RUFY3: variants seen among roughly 807,000 people sequenced by gnomAD.
The protein encoded by RUFY3 is RUN and FYVE domain containing 3.
In RUFY3, 34 loss-of-function variants were observed where a neutral mutation model predicts 84.0. The observed-to-expected ratio is 0.40, with a 90% CI of 0.31 to 0.54. The LOEUF (loss-of-function observed/expected upper bound fraction) is 0.54. Among genes scored for constraint, RUFY3 ranks in the 20% least tolerant of loss-of-function variants. The probability of loss-of-function intolerance (pLI) is 0.39; values close to 1 mark genes in which losing one functional copy is unlikely to be tolerated. For missense variants in RUFY3, 507 were observed against 736.8 expected (o/e 0.69, Z 3.61); for synonymous variants, 242 against 252.9 (o/e 0.96, Z 0.41).
chr4:70,791,835 G>A (rs1293687390), intron 12 of RUFY3: 1 of 985,232 alleles, frequency 1.0e-6, no homozygotes, highest in Non-Finnish European at 1.2e-6. Context: ...GCCAAGGATA[G>A]TACTTAGTAT....
intron 1 of RUFY3, among the ~76,000 whole-genome samples, chr4:70,755,714 C>T (rs1167199924): frequency 4.6e-5 from 7 of 152,036 alleles, no homozygotes; most frequent in African/African-American, 7.2e-5. Flanking sequence ...CACTTTGGGA[C>T]ACTGAGGCGG....
intron 14 of RUFY3, 110 bp downstream of exon 14, chr4:70,795,004 G>A: frequency 1.4e-6 from 1 of 732,486 alleles, no homozygotes; most frequent in East Asian, 2.5e-5. Flanking sequence ...TAGTGGCTGT[G>A]TCCTCAAGTA....
Position 70,800,157 on chromosome 4 carries a change from T to C in RUFY3, c.1574T>C (p.Met525Thr), listed in dbSNP as rs1468707494. The C allele has an allele frequency of 6.2e-7, 1 of 1,607,244 alleles. No individual in the cohort carries two copies. Among genetic ancestry groups the C allele is most frequent in the African/African-American group, 1.3e-5 (1 of 74,600 alleles). Residue 525 changes from methionine (M) to threonine (T), a missense_variant, in exon 15 of 18, where the codon ATG becomes ACG. Physicochemically the swap from Met to Thr is moderately conservative, Grantham distance 81. Transcript: ENST00000381006. ...TTTTGGCAGGATGGGAAGCACAAAA[T>C]GCAAGAGGAAAATGTTAAACTAAAA... ...SESKMDGKHK[M>T]QEENVKLKKP... is the part of the protein sequence containing the mutation.
chr4:70,800,242 TA>T, intron 15 of RUFY3, 37 bp downstream of exon 15: 2 of 1,540,470 alleles, frequency 1.3e-6, no homozygotes, highest in Non-Finnish European at 1.8e-6. Context: ...GATGTAAAGT[TA>T]TTCTGGGGTG....
intron 1 of RUFY3, among the ~76,000 whole-genome samples, chr4:70,748,504 G>A (rs1474578811): frequency 6.6e-6 from 1 of 152,184 alleles, no homozygotes; most frequent in Non-Finnish European, 1.5e-5. Flanking sequence ...AAGGACAGTG[G>A]TTATTCCTGG....
At chr4:70,798,977 C>G (rs1731876032) in intron 14 of RUFY3, among the ~76,000 whole-genome samples, 1 of 150,804 alleles carries the variant, frequency 6.6e-6, no homozygotes, top group Admixed American at 6.6e-5. Flanking sequence ...TGGTGAAACC[C>G]TGTCTCTACT....
At position 70,788,961 on chromosome 4, in the gene RUFY3, C is replaced by T; in HGVS notation, c.1227C>T (p.Ala409=). The T allele has an allele frequency of 1.9e-6, 3 of 1,614,018 alleles. No homozygotes were observed. The highest frequency in any genetic ancestry group is 1.6e-4 in the Middle Eastern group (1 of 6,062). Reference sequence around the variant, plus strand: ...TCAGAGCTCTCAAGCATGAACTTGCCTTTAAGCTGCAGGTAGGGGAAATAT... The same window carrying T: ...TCAGAGCTCTCAAGCATGAACTTGCTTTTAAGCTGCAGGTAGGGGAAATAT... ...DDLRALKHEL[A]FKLQSSDLGV... is the part of the protein sequence containing the mutation. The change falls in exon 11 of 18, where the codon GCC becomes GCT. Residue 409 remains alanine, a synonymous_variant. Coordinates refer to ENST00000381006, the MANE Select transcript of RUFY3 (RefSeq NM_001037442.4).
upstream of RUFY3, chr4:70,704,359 A>C (rs1740010227): frequency 6.6e-6 from 1 of 152,302 alleles, no homozygotes; most frequent in African/African-American, 2.4e-5. Context: ...GTACAGTTTA[A>C]TACCCGGGGG....
chr4:70,722,021 T>C lies in RUFY3; in HGVS notation c.-553T>C. 5.7e-6 allele frequency: 7 copies of C among 1,232,214 alleles called. No homozygotes were observed. Among genetic ancestry groups the C allele is most frequent in the Non-Finnish European group, 6.1e-6 (6 of 987,982 alleles). The allele number at this position is 1,232,214 out of a possible 1,614,324, so 76.3% of individuals were successfully genotyped here. On this transcript the variant is annotated 5_prime_UTR_variant, in exon 1 of 18. It removes an upstream start codon present in the reference 5' UTR. Transcript: ENST00000381006. ...TGCTTACTGCGCACGGCCAATCCTA[T>C]GAGAACTCAGCATCCCAGCTCATCT...
intron 1 of RUFY3, among the ~76,000 whole-genome samples, chr4:70,725,493 G>T (rs1179737760): frequency 1.3e-5 from 2 of 152,072 alleles, no homozygotes; most frequent in Non-Finnish European, 2.9e-5. Flanking sequence ...ACCACACCCA[G>T]CTAATTTTTG....
At chr4:70,784,959 A>G (rs1314841236) in intron 10 of RUFY3, 80 bp downstream of exon 10, 3 of 922,202 alleles carry the variant, frequency 3.3e-6, no homozygotes, top group Non-Finnish European at 4.7e-6. Context: ...CATACAGACC[A>G]AGATTAGGAA....
chr4:70,762,726 C>G (rs768608647), intron 2 of RUFY3, 34 bp downstream of exon 2: 10 of 1,571,926 alleles, frequency 6.4e-6, no homozygotes, highest in Admixed American at 1.7e-5. Flanking sequence ...AATATGCATG[C>G]AGCTGTTTTC....
chr4:70,777,466 AC>A (rs1451001180), intron 7 of RUFY3, among the ~76,000 whole-genome samples: 1 of 152,170 alleles, frequency 6.6e-6, no homozygotes, highest in African/African-American at 2.4e-5. Flanking sequence ...TTTAAGTAAA[AC>A]TTATAATATG....
intron 1 of RUFY3, among the ~76,000 whole-genome samples, chr4:70,733,094 A>AGG (rs756248205): frequency 1.4e-5 from 1 of 71,414 alleles, no homozygotes; most frequent in Non-Finnish European, 2.8e-5. Context: ...AGAGAGAGAG[A>AGG]GGAGAGAGAG....
At chr4:70,787,060 C>T (rs972333257) in intron 10 of RUFY3, among the ~76,000 whole-genome samples, 2 of 149,412 alleles carry the variant, frequency 1.3e-5, no homozygotes, top group Non-Finnish European at 3.0e-5. Context: ...TTCCCAGCTA[C>T]TTGGGAAGCT....
intron 1 of RUFY3, among the ~76,000 whole-genome samples, chr4:70,741,006 G>A (rs1197988203): frequency 6.6e-6 from 1 of 152,036 alleles, no homozygotes; most frequent in Non-Finnish European, 1.5e-5. Flanking sequence ...TTGATTGTAG[G>A]TTACTGCCTC....
chr4:70,801,164 A>C (rs1732180013), intron 15 of RUFY3, among the ~76,000 whole-genome samples: 1 of 120,080 alleles, frequency 8.3e-6, no homozygotes, highest in African/African-American at 3.5e-5. Flanking sequence ...CTATGGAGAC[A>C]AAAAAAAAAA....
intron 1 of RUFY3, among the ~76,000 whole-genome samples, chr4:70,741,421 CAT>C (rs1156468507): frequency 6.6e-6 from 1 of 152,134 alleles, no homozygotes; most frequent in Non-Finnish European, 1.5e-5. Flanking sequence ...AGCTTTGAAA[CAT>C]ATTTAATAAC....
chr4:70,797,573 G>A (rs542348437), intron 14 of RUFY3, among the ~76,000 whole-genome samples: 14 of 152,096 alleles, frequency 9.2e-5, no homozygotes, highest in Non-Finnish European at 1.9e-4. Context: ...GGCCAGGCAC[G>A]GTGGCTCACA....
Sources: allele counts gnomAD v4.1 joint callset (sites outside exome capture counted in the v4.1 genomes callset), GRCh38; gene constraint gnomAD v4.1.1; transcripts MANE v1.5; gene names NCBI Gene and HGNC (gene_info 2026-07-23, HGNC 2026-07-21).